Variants in KLHL12 observed in about 807,000 individuals in gnomAD.
KLHL12 encodes kelch-like protein 12.
In KLHL12, 17 loss-of-function variants were observed where a neutral mutation model predicts 60.8. The ratio of observed to expected loss-of-function variants is 0.28; its 90% CI spans 0.19 to 0.42. The LOEUF is 0.42. Ranked by LOEUF, KLHL12 falls within the 10% of genes least tolerant of loss-of-function variation. The probability of loss-of-function intolerance (pLI) is 1.00; values close to 1 mark genes in which losing one functional copy is unlikely to be tolerated. For missense variants in KLHL12, 468 were observed against 722.3 expected (o/e 0.65, Z 4.04); for synonymous variants, 220 against 250.9 (o/e 0.88, Z 1.16).
At chr1:202,923,261 A>AT (rs1660753320) in intron 2 of KLHL12, among the ~76,000 whole-genome samples, 1 of 152,212 alleles carries the variant, frequency 6.6e-6, no homozygotes, top group South Asian at 2.1e-4. Flanking sequence ...CACAACATAT[A>AT]ATTAGCAATC....
chr1:202,908,727 G>C (rs1660268084), intron 6 of KLHL12, among the ~76,000 whole-genome samples: 1 of 152,072 alleles, frequency 6.6e-6, no homozygotes, highest in Admixed American at 6.6e-5. Context: ...AAATAATATT[G>C]ACAAAAAATT....
intron 4 of KLHL12, among the ~76,000 whole-genome samples, chr1:202,917,859 T>A (rs1660570138): frequency 6.6e-6 from 1 of 152,238 alleles, no homozygotes; most frequent in South Asian, 2.1e-4. Context: ...TCTCAATAAA[T>A]GTTTGTGAAA....
intron 4 of KLHL12, chr1:202,914,864 T>TAAAAAAAAAAAA (rs547996937): frequency 9.1e-6 from 1 of 109,870 alleles, no homozygotes. Context: ...AAACTCCGTC[T>TAAAAAAAAAAAA]AAAAAAAAAA....
chr1:202,897,473 C>T, intron 6 of KLHL12, among the ~76,000 whole-genome samples: 1 of 151,968 alleles, frequency 6.6e-6, no homozygotes, highest in East Asian at 1.9e-4. Flanking sequence ...ATCCGCCAGC[C>T]TCGACCTCCC....
At chr1:202,922,772 C>T (rs184096157) in intron 2 of KLHL12, among the ~76,000 whole-genome samples, 1 of 152,076 alleles carries the variant, frequency 6.6e-6, no homozygotes, top group East Asian at 2.0e-4. Context: ...AGGCGTGAGC[C>T]ACCACGCCCA....
chr1:202,920,714 A>G lies in KLHL12; in HGVS notation c.196-806T>C, dbSNP rs1660671457. Among the ~76,000 whole-genome samples, 3 of 152,252 alleles carry G rather than the reference A, an allele frequency of 2.0e-5. No individual in the cohort carries two copies. In the South Asian group the frequency reaches 6.2e-4, roughly 32 times the overall value. ...TTTAATAAAGCAAATATGGCACATT[A>G]TCTGTAGCTTTCCAAATGAAGTAGG... is the stretch of plus-strand genomic sequence containing the variant. On this transcript the variant is annotated intron_variant, in intron 2 of 11. Coordinates refer to ENST00000367261, the MANE Select transcript of KLHL12 (RefSeq NM_021633.4).
chr1:202,900,455 T>C (rs1467618603), intron 6 of KLHL12, among the ~76,000 whole-genome samples: 1 of 151,272 alleles, frequency 6.6e-6, no homozygotes. Context: ...GAGGCTGACA[T>C]GGGAGGATCA....
intron 2 of KLHL12, among the ~76,000 whole-genome samples, chr1:202,922,833 C>T (rs1660739720): frequency 1.3e-5 from 2 of 151,498 alleles, no homozygotes; most frequent in Admixed American, 6.6e-5. Flanking sequence ...AGACAGATAT[C>T]ATTCTTATTA....
At chr1:202,914,576 T>G (rs1660463211) in intron 4 of KLHL12, among the ~76,000 whole-genome samples, 1 of 152,192 alleles carries the variant, frequency 6.6e-6, no homozygotes, top group Non-Finnish European at 1.5e-5. Flanking sequence ...TTTTTAAGAC[T>G]AATCAAATGG....
Position 202,919,911 on chromosome 1 carries a change from GA to G in KLHL12, c.196-4del. On this transcript the variant is annotated splice_polypyrimidine_tract_variant and splice_region_variant and intron_variant, in intron 2 of 11. Transcript: ENST00000367261. Reference sequence around the variant, plus strand: ...TAAGGTTTCCCCTTCTCTGAGAGCTGAAAATTCAAAAGGTATAAAAGAATGA... The same window carrying G: ...TAAGGTTTCCCCTTCTCTGAGAGCTGAAATTCAAAAGGTATAAAAGAATGA... 1 of 1,611,562 alleles carries G rather than the reference GA, an allele frequency of 6.2e-7. No individual in the cohort carries two copies. Among genetic ancestry groups the G allele is most frequent in the African/African-American group, 1.3e-5 (1 of 74,956 alleles).
At chr1:202,927,519 CAAAAAAA>C (rs869139683), upstream of KLHL12, among the ~76,000 whole-genome samples, 8 of 52,798 alleles carry the variant, frequency 1.5e-4, 1 homozygote, top group South Asian at 1.5e-3. Flanking sequence ...CCCGTTTCTA[CAAAAAAA>C]AAAAAAAAAA....
intron 4 of KLHL12, among the ~76,000 whole-genome samples, chr1:202,911,575 T>C (rs115832268): frequency 4.4e-4 from 67 of 152,204 alleles, no homozygotes; most frequent in Non-Finnish European, 7.5e-4. Flanking sequence ...CTCTATAACT[T>C]TAAGGAAGGC....
At chr1:202,916,095 T>C (rs1422073678) in intron 4 of KLHL12, among the ~76,000 whole-genome samples, 1 of 152,242 alleles carries the variant, frequency 6.6e-6, no homozygotes, top group African/African-American at 2.4e-5. Context: ...GTCTGATGAA[T>C]ATGTTTTTTG....
chr1:202,897,228 CTTTTTTTTTTTTTTTTTTT>C (rs11305071), intron 6 of KLHL12, among the ~76,000 whole-genome samples: 1 of 82,262 alleles, frequency 1.2e-5, no homozygotes, highest in African/African-American at 4.5e-5. Flanking sequence ...ATTTCTTTTT[CTTTTTTTTTTTTTTTTTTT>C]TTTTGGAGAC....
chr1:202,894,760 TAAAC>T lies in KLHL12; in HGVS notation c.1136-15_1136-12del, dbSNP rs746542042. 1.2e-6 allele frequency: 2 copies of T among 1,609,464 alleles called. No homozygotes were observed. Among genetic ancestry groups the T allele is most frequent in the African/African-American group, 1.3e-5 (1 of 74,828 alleles). On this transcript the variant is annotated splice_polypyrimidine_tract_variant and intron_variant, in intron 8 of 11. Coordinates refer to ENST00000367261, the MANE Select transcript of KLHL12 (RefSeq NM_021633.4). The stretch of plus-strand genomic sequence containing the variant: ...AGACATAGATCATATCTGCTCAGAA[TAAAC>T]AAATTACAGACTATTAGAGAATGAG...
At position 202,926,981 on chromosome 1, in the gene KLHL12, T is replaced by G. The variant is rs952120347; in HGVS notation, c.-46+108A>C. On this transcript the variant is annotated intron_variant, in intron 1 of 11. Transcript: ENST00000367261. ...CAGCCTTCCTCCTCTGTTGGGCATG[T>G]CTCCCATTCCGCCTTGCAGGGAGAC... The G allele has an allele frequency of 4.7e-6, 4 of 846,212 alleles. No homozygotes were observed. In the African/African-American group the frequency reaches 7.3e-5, roughly 15 times the overall value. The allele number at this position is 846,212 out of a possible 1,614,324, so 52.4% of individuals were successfully genotyped here. A position where few individuals can be genotyped will look rare whatever the true frequency, so the allele number is the denominator to read the frequency against.
chr1:202,908,303 T>C (rs1006724073), intron 6 of KLHL12, among the ~76,000 whole-genome samples: 3 of 152,196 alleles, frequency 2.0e-5, no homozygotes, highest in Non-Finnish European at 2.9e-5. Flanking sequence ...GCCCAACCAG[T>C]CATTGCTGGG....
At chr1:202,916,878 G>A (rs1660537395) in intron 4 of KLHL12, among the ~76,000 whole-genome samples, 1 of 151,510 alleles carries the variant, frequency 6.6e-6, no homozygotes, top group Admixed American at 6.6e-5. Context: ...GGAGGATGAG[G>A]TGGGAGAGCT....
chr1:202,899,822 CAAAA>C (rs10612618), intron 6 of KLHL12, among the ~76,000 whole-genome samples: 1 of 143,022 alleles, frequency 7.0e-6, no homozygotes, highest in African/African-American at 2.7e-5. Context: ...GACTCCATCT[CAAAA>C]AAAAAAAAAA....
Sources: gnomAD v4.1 joint callset for allele counts (sites outside exome capture counted in the v4.1 genomes callset) on GRCh38, gnomAD v4.1.1 for gene constraint, MANE v1.5 for transcripts, NCBI Gene and HGNC (gene_info 2026-07-23, HGNC 2026-07-21) for gene names.